THSD7B: variants seen among roughly 807,000 people sequenced by gnomAD.
THSD7B encodes thrombospondin type-1 domain-containing protein 7B.
In THSD7B, 138 loss-of-function variants were observed where a neutral mutation model predicts 213.6. The observed-to-expected ratio is 0.65, with a 90% CI of 0.56 to 0.74. The LOEUF is 0.74. THSD7B is among the 30% of genes least tolerant of loss of function. The pLI, the probability that THSD7B is intolerant of heterozygous loss-of-function variation, is 0.00. For missense variants in THSD7B, 1,931 were observed against 1,991.5 expected, an observed-to-expected ratio of 0.97 and a Z score of 0.58; for synonymous variants, 742 against 687.0, an observed-to-expected ratio of 1.08 and a Z score of -1.25.
At chr2:136,859,513 C>A (rs532992820) in intron 1 of THSD7B, among the ~76,000 whole-genome samples, 2 of 152,270 alleles carry the variant, frequency 1.3e-5, no homozygotes, top group East Asian at 3.9e-4. Flanking sequence ...AGTTAAGGAA[C>A]AGGCTACTTA....
chr2:137,253,693 C>T (rs1378166897), intron 10 of THSD7B, among the ~76,000 whole-genome samples: 1 of 152,116 alleles, frequency 6.6e-6, no homozygotes, highest in East Asian at 1.9e-4. Context: ...TTTTGATGTA[C>T]TTCCTATGAA....
At chr2:136,994,661 G>A (rs1221783894) in intron 2 of THSD7B, among the ~76,000 whole-genome samples, 6 of 152,090 alleles carry the variant, frequency 3.9e-5, no homozygotes, top group African/African-American at 9.7e-5. Context: ...TATAACAATC[G>A]TTTATGGTGT....
intron 12 of THSD7B, among the ~76,000 whole-genome samples, chr2:137,405,237 T>G (rs1374326876): frequency 2.0e-5 from 3 of 149,068 alleles, no homozygotes; most frequent in African/African-American, 7.4e-5. Context: ...GGAGCCTAAG[T>G]GATTTTTTAA....
chr2:137,488,970 A>G lies in THSD7B; in HGVS notation c.3138+37947A>G, dbSNP rs1052403989. 3.3e-5 allele frequency among the ~76,000 whole-genome samples: 5 copies of G among 152,206 alleles called. No homozygotes were observed. The East Asian group carries it at 9.6e-4, about 29-fold the overall frequency. ...ACCTCAGTTCTCAGATTTTAGGGATAAAGTTGAAATTTCATCTGTGCCAAC... is the reference window on the plus strand; with the variant it reads ...ACCTCAGTTCTCAGATTTTAGGGATGAAGTTGAAATTTCATCTGTGCCAAC... On this transcript the variant is annotated intron_variant, in intron 15 of 27. Transcript: ENST00000409968.
intron 15 of THSD7B, among the ~76,000 whole-genome samples, chr2:137,537,584 C>T (rs1350595543): frequency 1.3e-5 from 2 of 151,476 alleles, no homozygotes; most frequent in South Asian, 4.1e-4. Context: ...TATAAGATGC[C>T]AGGTATATGG....
At chr2:136,925,471 C>T (rs1286348614) in intron 2 of THSD7B, among the ~76,000 whole-genome samples, 4 of 152,152 alleles carry the variant, frequency 2.6e-5, no homozygotes, top group Admixed American at 2.6e-4. Context: ...TGGTCTATTA[C>T]ATTGATTGAC....
At chr2:137,407,407 A>G (rs1686550056) in intron 13 of THSD7B, among the ~76,000 whole-genome samples, 1 of 152,144 alleles carries the variant, frequency 6.6e-6, no homozygotes, top group Non-Finnish European at 1.5e-5. Context: ...CACCAAAACA[A>G]GTTAGCAATT....
rs200998575 is a variant in THSD7B at position 137,164,892 on chromosome 2, GA to G, written c.1525+4525del. On this transcript the variant is annotated intron_variant, in intron 6 of 27. Coordinates refer to ENST00000409968, the MANE Select transcript of THSD7B (RefSeq NM_001316349.2). The stretch of plus-strand genomic sequence containing the variant: ...CCGGGGCCTGTCGTGGGGTGGGGGA[GA>G]GGGGAGGAATGGCATTAGGAGATAT... Among the ~76,000 whole-genome samples the G allele has an allele frequency of 4.3e-4, 65 of 152,282 alleles. 1 individual carries two copies. The East Asian group carries it at 0.012, about 28-fold the overall frequency.
chr2:136,932,994 G>T (rs887173811), intron 2 of THSD7B, among the ~76,000 whole-genome samples: 8 of 152,162 alleles, frequency 5.3e-5, no homozygotes, highest in Admixed American at 4.6e-4. Context: ...TTTCACAGTG[G>T]TTAAAAGAAA....
At chr2:137,160,549 A>G (rs1680000201) in intron 6 of THSD7B, among the ~76,000 whole-genome samples, 181 bp downstream of exon 6, 1 of 152,192 alleles carries the variant, frequency 6.6e-6, no homozygotes, top group Non-Finnish European at 1.5e-5. Flanking sequence ...GGAGTGCACA[A>G]TCTCACCTTG....
chr2:137,588,760 C>CTTCA (rs1464836212), intron 17 of THSD7B, among the ~76,000 whole-genome samples: 26 of 146,998 alleles, frequency 1.8e-4, no homozygotes, highest in African/African-American at 6.5e-4. Flanking sequence ...TCATGTTGTC[C>CTTCA]TTTATTTATT....
At chr2:137,415,027 G>A (rs1386387745) in intron 14 of THSD7B, among the ~76,000 whole-genome samples, 1 of 141,522 alleles carries the variant, frequency 7.1e-6, no homozygotes, top group African/African-American at 2.6e-5. Flanking sequence ...CTGCACTCTA[G>A]CCTAGGTGAC....
chr2:136,772,530 T>C (rs1051461350), intron 1 of THSD7B, among the ~76,000 whole-genome samples: 2 of 152,208 alleles, frequency 1.3e-5, no homozygotes, highest in African/African-American at 4.8e-5. Flanking sequence ...TATTTCTTTG[T>C]ATTAATGGCT....
Position 137,616,223 on chromosome 2 carries a change from C to T in THSD7B, c.3472C>T (p.Pro1158Ser). ...MQRRTRHLLR[P>S]SLNSRTCAED... Reference sequence around the variant, plus strand: ...GAGAAGAACTCGCCACCTGCTAAGACCATCACTGAACTCAAGGACTTGTGC... The same window carrying T: ...GAGAAGAACTCGCCACCTGCTAAGATCATCACTGAACTCAAGGACTTGTGC... Residue 1158 changes from proline to serine, a missense_variant, in exon 18 of 28, where the codon CCA becomes TCA. By Grantham distance (74) the Pro-to-Ser change is moderately conservative (BLOSUM62 -1). Coordinates refer to ENST00000409968, the MANE Select transcript of THSD7B (RefSeq NM_001316349.2). 6.2e-7 allele frequency: 1 copy of T among 1,613,840 alleles called. No individual in the cohort carries two copies. Among genetic ancestry groups the T allele is most frequent in the Non-Finnish European group, 8.5e-7 (1 of 1,179,784 alleles).
intron 2 of THSD7B, among the ~76,000 whole-genome samples, chr2:137,049,874 C>G (rs1687037583): frequency 6.6e-6 from 1 of 152,206 alleles, no homozygotes; most frequent in African/African-American, 2.4e-5. Context: ...GGCCTCTCTT[C>G]CCTCACCCAC....
intron 12 of THSD7B, among the ~76,000 whole-genome samples, chr2:137,361,917 A>C (rs1008568922): frequency 1.3e-5 from 2 of 152,154 alleles, no homozygotes; most frequent in Admixed American, 6.5e-5. Context: ...GAGCAACCCC[A>C]AAACACATAA....
At chr2:136,952,743 G>A (rs1044313352) in intron 2 of THSD7B, among the ~76,000 whole-genome samples, 5 of 151,682 alleles carry the variant, frequency 3.3e-5, no homozygotes, top group Admixed American at 6.6e-5. Context: ...TTTTTTGATC[G>A]TGTTTTCTAG....
rs774706621 is a variant in THSD7B at position 137,659,776 on chromosome 2, T to C, written c.4458+30T>C. 18 of 1,563,054 alleles carry C rather than the reference T, an allele frequency of 1.2e-5. No individual in the cohort carries two copies. The South Asian group carries it at 2.0e-4, about 18-fold the overall frequency. On this transcript the variant is annotated intron_variant, in intron 25 of 27. Coordinates refer to ENST00000409968, the MANE Select transcript of THSD7B (RefSeq NM_001316349.2). ...GTCATGTGCTGGAGTCTTCTATAAG[T>C]GCATTAATTGCTGTGTTTTACACAT...
At chr2:137,289,976 A>T (rs528407560) in intron 12 of THSD7B, among the ~76,000 whole-genome samples, 4 of 152,066 alleles carry the variant, frequency 2.6e-5, no homozygotes, top group Non-Finnish European at 4.4e-5. Flanking sequence ...ACCAAGGTAT[A>T]AGGGCAATGT....
Sources: gnomAD v4.1 joint callset for allele counts (sites outside exome capture counted in the v4.1 genomes callset) on GRCh38, gnomAD v4.1.1 for gene constraint, MANE v1.5 for transcripts, NCBI Gene and HGNC (gene_info 2026-07-23, HGNC 2026-07-21) for gene names.